CTSC: variants seen among roughly 807,000 people sequenced by gnomAD.
CTSC encodes the protein dipeptidyl peptidase 1.
A neutral mutation model predicts 40.9 loss-of-function variants in CTSC; 37 were observed. The observed-to-expected ratio is 0.91, with a 90% CI of 0.70 to 1.19. CTSC has a LOEUF of 1.19. CTSC is among the 50% of genes most tolerant of loss of function. The pLI is 0.00. For missense variants in CTSC, 594 were observed against 567.3 expected (o/e 1.05, Z -0.48); for synonymous variants, 232 against 207.4 (o/e 1.12, Z -1.02).
At chr11:88,316,038 T>A (rs951951061) in intron 2 of CTSC, among the ~76,000 whole-genome samples, 2 of 152,124 alleles carry the variant, frequency 1.3e-5, no homozygotes, top group African/African-American at 4.8e-5. Context: ...GAGAATTAAC[T>A]GACTCATGAG....
Position 88,309,270 on chromosome 11 carries a change from G to T in CTSC, c.534C>A (p.Ile178=). Residue 178 remains isoleucine, a synonymous_variant, in exon 4 of 7, where the codon ATC becomes ATA. Transcript: ENST00000227266. ...YKYDHNFVKA[I]NAIQKSWTAT... ...CAGTCCAAGACTTCTGAATGGCATT[G>T]ATAGCTTTCACAAAGTTGTGATCAT... The T allele has an allele frequency of 6.2e-7, 1 of 1,613,720 alleles. No homozygotes were observed. The highest frequency in any genetic ancestry group is 1.3e-5 in the African/African-American group (1 of 75,026).
At chr11:88,306,243 A>C (rs1937630273) in intron 4 of CTSC, among the ~76,000 whole-genome samples, 1 of 152,120 alleles carries the variant, frequency 6.6e-6, no homozygotes, top group Non-Finnish European at 1.5e-5. Context: ...AAAATGCCAC[A>C]CCTTAGCATT....
chr11:88,314,093 T>C (rs999821295), intron 2 of CTSC, among the ~76,000 whole-genome samples: 3 of 152,224 alleles, frequency 2.0e-5, no homozygotes, highest in African/African-American at 7.2e-5. Context: ...TCTACTCTAA[T>C]ACACATTATT....
chr11:88,297,913 T>A (rs963357072), intron 5 of CTSC: 2 of 152,184 alleles, frequency 1.3e-5, no homozygotes, highest in Admixed American at 1.3e-4. Context: ...GATAGTGTGA[T>A]CTTCATATGG....
At chr11:88,308,083 C>T (rs1039807221) in intron 4 of CTSC, among the ~76,000 whole-genome samples, 28 of 152,250 alleles carry the variant, frequency 1.8e-4, no homozygotes, top group African/African-American at 6.5e-4. Context: ...GGCATGAAAC[C>T]GCCTTTGCAA....
chr11:88,326,526 T>TAA lies in CTSC; in HGVS notation c.318+8409_318+8410dup, dbSNP rs3837397. Reference sequence around the variant, plus strand: ...ATTTAATCATATCAGTTTCTTTAAGTAAAAAAAAAAAAAAATACCAGCACT... The same window carrying TAA: ...ATTTAATCATATCAGTTTCTTTAAGTAAAAAAAAAAAAAAAAATACCAGCACT... On this transcript the variant is annotated intron_variant, in intron 2 of 6. Transcript: ENST00000227266. The TAA allele has an allele frequency of 0.15, 101,532 of 663,336 alleles. 6,273 individuals are homozygous for TAA. Among genetic ancestry groups the TAA allele is most frequent in the African/African-American group, 0.33 (17,178 of 52,054 alleles). The allele number at this position is 663,336 out of a possible 1,614,324, so 41.1% of individuals were successfully genotyped here.
intron 1 of CTSC, 75 bp downstream of exon 1, chr11:88,337,426 T>C (rs1938530202): frequency 7.1e-7 from 1 of 1,411,486 alleles, no homozygotes. Flanking sequence ...GGGGAAGCGG[T>C]AGTTGGCGTG....
intron 4 of CTSC, among the ~76,000 whole-genome samples, chr11:88,304,949 T>C (rs1937618044): frequency 6.6e-6 from 1 of 152,094 alleles, no homozygotes; most frequent in African/African-American, 2.4e-5. Context: ...AATACAAAAA[T>C]TGGCTGGGCA....
At chr11:88,301,612 TA>T (rs1402638807) in intron 4 of CTSC, among the ~76,000 whole-genome samples, 1 of 152,178 alleles carries the variant, frequency 6.6e-6, no homozygotes, top group Non-Finnish European at 1.5e-5. Context: ...ACTAGCTCCG[TA>T]AACAACAGAT....
At chr11:88,301,649 C>T (rs1177034016) in intron 4 of CTSC, among the ~76,000 whole-genome samples, 2 of 152,116 alleles carry the variant, frequency 1.3e-5, no homozygotes, top group African/African-American at 2.4e-5. Flanking sequence ...TAGAACCACA[C>T]CTTATATGAC....
chr11:88,334,672 G>C, intron 2 of CTSC: 1 of 394,086 alleles, frequency 2.5e-6, no homozygotes, highest in South Asian at 3.1e-5. Context: ...AATAAATTAA[G>C]AATTTAGTCA....
chr11:88,303,093 C>T (rs1944386878), intron 4 of CTSC, among the ~76,000 whole-genome samples: 1 of 152,186 alleles, frequency 6.6e-6, no homozygotes, highest in African/African-American at 2.4e-5. Context: ...GAAATAGTTT[C>T]TGTGGTTTCA....
chr11:88,334,484 A>C (rs217071), intron 2 of CTSC, among the ~76,000 whole-genome samples: 43,615 of 151,962 alleles, frequency 0.29, 7,528 homozygotes, highest in East Asian at 0.56. Context: ...TATTTAGTAC[A>C]TTTAAGATAA....
chr11:88,295,071 T>C (rs1944283248), intron 6 of CTSC, among the ~76,000 whole-genome samples: 1 of 152,230 alleles, frequency 6.6e-6, no homozygotes, highest in Non-Finnish European at 1.5e-5. Context: ...TGTTCTTCAC[T>C]CTGTTGTTAT....
chr11:88,337,533 C>T lies in CTSC; in HGVS notation c.140G>A (p.Gly47Asp), dbSNP rs569549142. 6.3e-7 allele frequency: 1 copy of T among 1,576,106 alleles called. No individual in the cohort carries two copies. Among genetic ancestry groups the T allele is most frequent in the Non-Finnish European group, 8.6e-7 (1 of 1,159,936 alleles). Residue 47 changes from glycine (G) to aspartate (D), a missense_variant, in exon 1 of 7, where the codon GGT (glycine) becomes GAT (aspartate). By Grantham distance (94) the Gly-to-Asp change is moderately conservative. Transcript: ENST00000227266. ...GTWVFQVGSS[G>D]SQRDVNCSVM... ...CGAGCAGTTGACATCGCGCTGGGAA[C>T]CGCTGGAGCCCACCTGGAAGACCCA...
At chr11:88,310,180 CT>C (rs11337017) in intron 3 of CTSC, among the ~76,000 whole-genome samples, 61,083 of 142,072 alleles carry the variant, frequency 0.43, 13,399 homozygotes, top group Non-Finnish European at 0.51. Context: ...TCAGAATCTC[CT>C]TTTTTTTTTT....
At chr11:88,302,282 A>G (rs1336770607) in intron 4 of CTSC, among the ~76,000 whole-genome samples, 2 of 152,162 alleles carry the variant, frequency 1.3e-5, no homozygotes, top group African/African-American at 2.4e-5. Flanking sequence ...ACCTATCCAC[A>G]AATGGTCCCG....
intron 3 of CTSC, among the ~76,000 whole-genome samples, chr11:88,309,712 TATAC>T (rs1937705753): frequency 6.6e-6 from 1 of 152,008 alleles, no homozygotes; most frequent in African/African-American, 2.4e-5. Context: ...TATCAAAGTT[TATAC>T]ATAATCATAA....
In CTSC at chr11:88,314,803, C is replaced by G. The variant is rs576184904; in HGVS notation, c.319-2249G>C. On this transcript the variant is annotated intron_variant, in intron 2 of 6. Transcript: ENST00000227266. ...TCAGCCTCCCAAAGTGCTGGGATTA[C>G]AGGTGTGAGCCACTGTACCCAGCTG... Among the ~76,000 whole-genome samples the G allele has an allele frequency of 2.0e-5, 3 of 152,274 alleles. No homozygotes were observed. In the East Asian group the frequency reaches 5.8e-4, roughly 29 times the overall value.
Sources: gnomAD v4.1 joint callset for allele counts (sites outside exome capture counted in the v4.1 genomes callset) on GRCh38, gnomAD v4.1.1 for gene constraint, MANE v1.5 for transcripts, NCBI Gene and HGNC (gene_info 2026-07-23, HGNC 2026-07-21) for gene names.